Variants in TSPAN5 observed in about 807,000 individuals in gnomAD.
TSPAN5 encodes the protein tetraspanin 5.
Under a neutral mutation model 37.1 loss-of-function variants are expected in TSPAN5, and 10 were observed. The observed-to-expected ratio is 0.27, with a 90% CI of 0.17 to 0.46. TSPAN5 has a LOEUF of 0.46. Among genes scored for constraint, TSPAN5 ranks in the 20% least tolerant of loss-of-function variants. The probability of loss-of-function intolerance (pLI) is 1.00; values close to 1 mark genes in which losing one functional copy is unlikely to be tolerated. For missense variants in TSPAN5, 195 were observed against 326.6 expected, an observed-to-expected ratio of 0.60 and a Z score of 3.11; for synonymous variants, 110 against 118.9, an observed-to-expected ratio of 0.93 and a Z score of 0.48.
chr4:98,587,399 T>G (rs1755515979), intron 1 of TSPAN5, among the ~76,000 whole-genome samples: 3 of 152,188 alleles, frequency 2.0e-5, no homozygotes, highest in Admixed American at 1.3e-4. Context: ...GCTGCCAATT[T>G]GTCTCATACC....
chr4:98,564,640 G>A (rs903016198), intron 1 of TSPAN5, among the ~76,000 whole-genome samples: 2 of 151,906 alleles, frequency 1.3e-5, no homozygotes, highest in South Asian at 2.1e-4. Flanking sequence ...GGAGGCATCC[G>A]ATTTAACTGC....
chr4:98,530,730 TAC>T (rs60087929), intron 1 of TSPAN5, among the ~76,000 whole-genome samples: 126 of 150,336 alleles, frequency 8.4e-4, no homozygotes, highest in African/African-American at 2.7e-3. Context: ...ACACATATTA[TAC>T]ACACACACAC....
intron 1 of TSPAN5, among the ~76,000 whole-genome samples, chr4:98,581,099 T>A (rs150691547): frequency 3.9e-5 from 6 of 152,322 alleles, no homozygotes; most frequent in African/African-American, 1.4e-4. Flanking sequence ...AGGCCCACCA[T>A]GCACTGATAT....
intron 1 of TSPAN5, among the ~76,000 whole-genome samples, chr4:98,644,047 T>C (rs1440039418): frequency 1.3e-5 from 2 of 152,198 alleles, no homozygotes; most frequent in Non-Finnish European, 2.9e-5. Context: ...AGTTTTCCTG[T>C]TACTGAATTA....
At chr4:98,503,585 C>G (rs570123495) in intron 2 of TSPAN5, among the ~76,000 whole-genome samples, 2 of 152,182 alleles carry the variant, frequency 1.3e-5, no homozygotes, top group African/African-American at 4.8e-5. Flanking sequence ...GAAGGTCTTT[C>G]CAACAGGAAG....
At chr4:98,605,276 T>C (rs970811710) in intron 1 of TSPAN5, among the ~76,000 whole-genome samples, 1 of 152,078 alleles carries the variant, frequency 6.6e-6, no homozygotes, top group African/African-American at 2.4e-5. Context: ...TATCAGCATA[T>C]CAGAAAAAAT....
At chr4:98,572,833 C>T (rs1755156505) in intron 1 of TSPAN5, among the ~76,000 whole-genome samples, 1 of 152,214 alleles carries the variant, frequency 6.6e-6, no homozygotes, top group Non-Finnish European at 1.5e-5. Context: ...TCACCTGGAA[C>T]ATGTTTACCT....
At chr4:98,656,429 G>A (rs991990169) in intron 1 of TSPAN5, among the ~76,000 whole-genome samples, 2 of 152,156 alleles carry the variant, frequency 1.3e-5, no homozygotes, top group African/African-American at 4.8e-5. Context: ...GTCCCAGTTC[G>A]GTAGTCCGTG....
At chr4:98,607,767 A>G (rs1368848082) in intron 1 of TSPAN5, among the ~76,000 whole-genome samples, 1 of 151,428 alleles carries the variant, frequency 6.6e-6, no homozygotes, top group Non-Finnish European at 1.5e-5. Flanking sequence ...CTGGAGTGCA[A>G]TGGCGCCATC....
At chr4:98,480,205 TA>T (rs1180817880) in intron 4 of TSPAN5, among the ~76,000 whole-genome samples, 1 of 152,190 alleles carries the variant, frequency 6.6e-6, no homozygotes, top group Non-Finnish European at 1.5e-5. Flanking sequence ...TTGCACATTT[TA>T]AAGTATACAA....
chr4:98,584,616 G>C (rs1263446265), intron 1 of TSPAN5, among the ~76,000 whole-genome samples: 1 of 152,170 alleles, frequency 6.6e-6, no homozygotes, highest in African/African-American at 2.4e-5. Flanking sequence ...CCAAAATCCT[G>C]TACTGTATTT....
intron 1 of TSPAN5, among the ~76,000 whole-genome samples, chr4:98,590,535 C>A (rs1481211283): frequency 2.0e-5 from 3 of 151,922 alleles, no homozygotes; most frequent in Non-Finnish European, 2.9e-5. Context: ...ACGCTGAAAC[C>A]CCGTCTCTAC....
At chr4:98,506,596 G>A (rs1197141729) in intron 2 of TSPAN5, among the ~76,000 whole-genome samples, 1 of 152,108 alleles carries the variant, frequency 6.6e-6, no homozygotes, top group Non-Finnish European at 1.5e-5. Context: ...GGCTTTTGTT[G>A]ACTGGACCTT....
At chr4:98,588,058 G>C (rs1483332925) in intron 1 of TSPAN5, among the ~76,000 whole-genome samples, 3 of 151,932 alleles carry the variant, frequency 2.0e-5, no homozygotes, top group African/African-American at 7.3e-5. Flanking sequence ...ACCCGTCGTC[G>C]GCCATCCTCC....
rs527856355 is a variant in TSPAN5 at position 98,578,177 on chromosome 4, A to G, written c.82-70449T>C. On this transcript the variant is annotated intron_variant, in intron 1 of 7. Coordinates refer to ENST00000305798, the MANE Select transcript of TSPAN5 (RefSeq NM_005723.4). The stretch of plus-strand genomic sequence containing the variant: ...AGCTGTGTGGTCAGGACACAGCCCA[A>G]GTCTCACAGAACCTCCCCTTGAGAC... Among the ~76,000 whole-genome samples the G allele has an allele frequency of 2.6e-5, 4 of 152,322 alleles. No individual in the cohort carries two copies. In the East Asian group the frequency reaches 7.7e-4, roughly 29 times the overall value.
chr4:98,537,576 G>A (rs776155104), intron 1 of TSPAN5, among the ~76,000 whole-genome samples: 4 of 152,208 alleles, frequency 2.6e-5, no homozygotes, highest in Non-Finnish European at 5.9e-5. Context: ...CCATTTTACA[G>A]ATGAGGACTC....
At chr4:98,629,829 T>C (rs1756701440) in intron 1 of TSPAN5, among the ~76,000 whole-genome samples, 1 of 152,224 alleles carries the variant, frequency 6.6e-6, no homozygotes, top group South Asian at 2.1e-4. Flanking sequence ...AGTGAATAAA[T>C]GGAAGAATAA....
chr4:98,504,132 T>C (rs1400979328), intron 2 of TSPAN5, among the ~76,000 whole-genome samples: 2 of 152,240 alleles, frequency 1.3e-5, no homozygotes, highest in East Asian at 3.8e-4. Context: ...CACATGAATA[T>C]GCTGAAAGTC....
intron 1 of TSPAN5, among the ~76,000 whole-genome samples, chr4:98,587,261 A>G (rs571842929): frequency 6.6e-6 from 1 of 152,344 alleles, no homozygotes; most frequent in Admixed American, 6.5e-5. Context: ...CAGTGATCCA[A>G]TTAGAAAGCC....
Sources: allele counts gnomAD v4.1 joint callset (sites outside exome capture counted in the v4.1 genomes callset), GRCh38; gene constraint gnomAD v4.1.1; transcripts MANE v1.5; gene names NCBI Gene and HGNC (gene_info 2026-07-23, HGNC 2026-07-21).